GLIS3: variants seen among roughly 807,000 people sequenced by gnomAD.
The protein encoded by GLIS3 is zinc finger protein GLIS3.
In GLIS3, 53 loss-of-function variants were observed where a neutral mutation model predicts 78.6. That is an observed-to-expected ratio of 0.67 (90% CI 0.54 to 0.85). The LOEUF (loss-of-function observed/expected upper bound fraction) is 0.85. Ranked by LOEUF, GLIS3 falls within the 40% of genes least tolerant of loss-of-function variation. GLIS3 has a pLI of 0.00. For synonymous variants in GLIS3, 684 were observed against 509.9 expected (o/e 1.34, Z -4.60); for missense variants, 1,703 against 1,231.1 (o/e 1.38, Z -5.74).
intron 8 of GLIS3, among the ~76,000 whole-genome samples, chr9:3,857,485 G>A (rs1432458439): frequency 1.3e-5 from 2 of 152,174 alleles, no homozygotes; most frequent in South Asian, 4.1e-4. Flanking sequence ...GAAAGCATGG[G>A]ACAAAAATCT....
intron 4 of GLIS3, among the ~76,000 whole-genome samples, chr9:4,115,465 C>T (rs1378467579): frequency 2.6e-5 from 4 of 152,080 alleles, no homozygotes. Context: ...TGTGTGTGGA[C>T]TCCAAGACTA....
chr9:3,923,681 A>G (rs981413635), intron 6 of GLIS3, among the ~76,000 whole-genome samples: 1 of 152,192 alleles, frequency 6.6e-6, no homozygotes, highest in Non-Finnish European at 1.5e-5. Context: ...AGAAAGTTTA[A>G]GATTACATGA....
intron 4 of GLIS3, among the ~76,000 whole-genome samples, chr9:3,948,846 C>G (rs1007769238): frequency 6.6e-6 from 1 of 152,106 alleles, no homozygotes; most frequent in Non-Finnish European, 1.5e-5. Context: ...CTTACAGAGC[C>G]AACAATTTTG....
intron 8 of GLIS3, among the ~76,000 whole-genome samples, chr9:3,872,588 C>A (rs540564342): frequency 6.6e-6 from 1 of 152,306 alleles, no homozygotes; most frequent in African/African-American, 2.4e-5. Context: ...TAAAAACCCT[C>A]AGATCTCATG....
At chr9:4,355,573 A>G in the GLIS3 span, among the ~76,000 whole-genome samples, 7 of 152,310 alleles carry the variant, frequency 4.6e-5, no homozygotes, top group East Asian at 7.7e-4. Flanking sequence ...AGGAACTGTA[A>G]GAAGGATCTC....
At chr9:4,096,243 C>A (rs534307095) in intron 4 of GLIS3, among the ~76,000 whole-genome samples, 2 of 152,066 alleles carry the variant, frequency 1.3e-5, no homozygotes, top group African/African-American at 2.4e-5. Context: ...AGACGATGTG[C>A]GGTTAATTAA....
rs74854157 is a variant in GLIS3 at position 4,111,115 on chromosome 9, G to T, written c.1710+6653C>A. ...ATCTATATACAAACAAATCTCCAAA[G>T]GTTCGACATACATTCCCTTAATCAG... On this transcript the variant is annotated intron_variant, in intron 4 of 10. Transcript: ENST00000381971. 5.3e-5 allele frequency among the ~76,000 whole-genome samples: 8 copies of T among 152,100 alleles called. No homozygotes were observed. The East Asian group carries it at 1.5e-3, about 29-fold the overall frequency.
chr9:4,477,767 C>G, the GLIS3 span, among the ~76,000 whole-genome samples: 1 of 152,058 alleles, frequency 6.6e-6, no homozygotes, highest in Non-Finnish European at 1.5e-5. Context: ...TAAAAATGTT[C>G]TGGAGATGGA....
At chr9:4,358,803 C>CCCTGTA in the GLIS3 span, among the ~76,000 whole-genome samples, 1 of 152,214 alleles carries the variant, frequency 6.6e-6, no homozygotes, top group Non-Finnish European at 1.5e-5. Flanking sequence ...ATATGGTAAG[C>CCCTGTA]AGATGAGGTG....
chr9:4,194,681 C>T (rs1483934898), intron 2 of GLIS3, among the ~76,000 whole-genome samples: 2 of 152,188 alleles, frequency 1.3e-5, no homozygotes, highest in South Asian at 2.1e-4. Context: ...CCTGTGGCAG[C>T]ATCTCGCTGA....
At chr9:4,046,981 G>C (rs572782496) in intron 4 of GLIS3, among the ~76,000 whole-genome samples, 12 of 152,304 alleles carry the variant, frequency 7.9e-5, no homozygotes, top group African/African-American at 2.4e-4. Context: ...TAATGGGAAA[G>C]TTGTCGGAGT....
chr9:3,838,359 G>C (rs1818490781), intron 9 of GLIS3, among the ~76,000 whole-genome samples: 1 of 152,094 alleles, frequency 6.6e-6, no homozygotes, highest in Admixed American at 6.5e-5. Context: ...ACAGTCCTCA[G>C]CTCTCTGTGG....
At chr9:4,319,990 TGTGTGTGTG>T (rs1439228576) in intron 2 of GLIS3, among the ~76,000 whole-genome samples, 8 of 27,678 alleles carry the variant, frequency 2.9e-4, no homozygotes, top group African/African-American at 1.1e-3. Context: ...GGGTTGTGTG[TGTGTGTGTG>T]TGTGTGTGTG....
At chr9:3,889,035 G>A (rs1292948637) in intron 7 of GLIS3, among the ~76,000 whole-genome samples, 1 of 152,158 alleles carries the variant, frequency 6.6e-6, no homozygotes, top group Non-Finnish European at 1.5e-5. Context: ...GTGTCTAGGA[G>A]AGGCTTAGAT....
At chr9:3,972,612 A>G (rs1441870114) in intron 4 of GLIS3, among the ~76,000 whole-genome samples, 1 of 152,168 alleles carries the variant, frequency 6.6e-6, no homozygotes. Context: ...TACATTTCAC[A>G]TAAGCCATCT....
intron 4 of GLIS3, among the ~76,000 whole-genome samples, chr9:4,053,830 C>A (rs1825922971): frequency 6.6e-6 from 1 of 152,008 alleles, no homozygotes; most frequent in African/African-American, 2.4e-5. Context: ...CTGAGATTTC[C>A]AATGTTCTTC....
chr9:4,450,895 G>A, the GLIS3 span, among the ~76,000 whole-genome samples: 3 of 152,088 alleles, frequency 2.0e-5, no homozygotes, highest in African/African-American at 7.2e-5. Context: ...CTGCAAAAAC[G>A]TGCCAAATTG....
chr9:4,158,899 A>C (rs909980255), intron 2 of GLIS3, among the ~76,000 whole-genome samples: 1 of 152,200 alleles, frequency 6.6e-6, no homozygotes, highest in Non-Finnish European at 1.5e-5. Flanking sequence ...GAGGTAGCTC[A>C]TAAGCTGGGA....
chr9:4,043,774 A>G (rs1376977293), intron 4 of GLIS3, among the ~76,000 whole-genome samples: 3 of 152,236 alleles, frequency 2.0e-5, no homozygotes, highest in Admixed American at 1.3e-4. Context: ...CTTTAGAATA[A>G]TGTGACTGAG....
Sources: allele counts gnomAD v4.1 joint callset (sites outside exome capture counted in the v4.1 genomes callset), GRCh38; gene constraint gnomAD v4.1.1; transcripts MANE v1.5; gene names NCBI Gene and HGNC (gene_info 2026-07-23, HGNC 2026-07-21).